The following SPECC1 variants were observed in gnomAD, a reference collection of about 807,000 sequenced individuals.
SPECC1 encodes cytospin-B.
Under a neutral mutation model 104.1 loss-of-function variants are expected in SPECC1, and 62 were observed. The observed-to-expected ratio is 0.60, with a 90% CI of 0.49 to 0.74. The LOEUF (loss-of-function observed/expected upper bound fraction) is 0.74, where lower values mean the gene tolerates loss of function less well. SPECC1 is among the 30% of genes least tolerant of loss of function. The pLI is 0.00. For synonymous variants in SPECC1, 513 were observed against 501.6 expected, an observed-to-expected ratio of 1.02 and a Z score of -0.30; for missense variants, 1,306 against 1,310.5, an observed-to-expected ratio of 1.00 and a Z score of 0.05.
intron 4 of SPECC1, among the ~76,000 whole-genome samples, chr17:20,225,640 G>A (rs2038153474): frequency 6.6e-6 from 1 of 152,194 alleles, no homozygotes; most frequent in Non-Finnish European, 1.5e-5. Context: ...AGGGATGAGG[G>A]AGAGGGGATG....
chr17:20,022,519 A>G (rs766931411), intron 1 of SPECC1, among the ~76,000 whole-genome samples: 9 of 152,238 alleles, frequency 5.9e-5, no homozygotes, highest in South Asian at 2.1e-4. Flanking sequence ...TGAATAGTCA[A>G]TCTGCCCCAT....
intron 1 of SPECC1, among the ~76,000 whole-genome samples, chr17:20,043,761 G>A (rs990957295): frequency 1.3e-5 from 2 of 152,202 alleles, no homozygotes; most frequent in African/African-American, 4.8e-5. Context: ...ATGGTATTTA[G>A]AAATGCAAAT....
At chr17:20,042,140 G>A (rs1328464915) in intron 1 of SPECC1, among the ~76,000 whole-genome samples, 2 of 152,206 alleles carry the variant, frequency 1.3e-5, no homozygotes, top group Non-Finnish European at 2.9e-5. Context: ...CACCATTGTA[G>A]TAGAAGAAGG....
chr17:20,087,669 T>G (rs541362380), intron 1 of SPECC1, among the ~76,000 whole-genome samples: 1 of 152,246 alleles, frequency 6.6e-6, no homozygotes, highest in African/African-American at 2.4e-5. Context: ...CTAATATTTG[T>G]TGAACACTTA....
Position 20,205,596 on chromosome 17 carries a change from A to G in SPECC1, c.1547A>G (p.Asn516Ser). Residue 516 changes from asparagine to serine, a missense_variant, in exon 4 of 15, where the codon AAT (asparagine) becomes AGT (serine). By Grantham distance (46) the Asn-to-Ser change is conservative. Coordinates refer to ENST00000395527, the MANE Select transcript of SPECC1 (RefSeq NM_001243439.2). ...ATGATTAAACGTCTGAAGGAAGAAA[A>G]TGAAAAACTGAATGAGTTTCTAGAA... ...LEMIKRLKEE[N>S]EKLNEFLELE... 6.2e-7 allele frequency: 1 copy of G among 1,614,152 alleles called. No homozygotes were observed. Among genetic ancestry groups the G allele is most frequent in the Non-Finnish European group, 8.5e-7 (1 of 1,180,032 alleles).
At chr17:20,068,473 C>A (rs1007587651) in intron 1 of SPECC1, among the ~76,000 whole-genome samples, 1 of 152,162 alleles carries the variant, frequency 6.6e-6, no homozygotes, top group African/African-American at 2.4e-5. Flanking sequence ...GTTTGAACTT[C>A]TGTTTTCAAT....
intron 1 of SPECC1, among the ~76,000 whole-genome samples, chr17:20,083,499 G>A (rs994174239): frequency 6.0e-5 from 9 of 149,458 alleles, no homozygotes; most frequent in Non-Finnish European, 1.2e-4. Context: ...TTTGAGTTTA[G>A]GCTTTTTTCA....
At position 20,314,124 on chromosome 17, in the gene SPECC1, C is replaced by G; in HGVS notation, c.*59C>G. On this transcript the variant is annotated 3_prime_UTR_variant, in exon 15 of 15. Transcript: ENST00000395527. The stretch of plus-strand genomic sequence containing the variant: ...CTACTGCAGCTTTTCCTGGAAGCGC[C>G]TGATTACTGTCCACTGACCCTGCTC... The G allele has an allele frequency of 1.4e-6, 2 of 1,452,472 alleles. No homozygotes were observed. Among genetic ancestry groups the G allele is most frequent in the Non-Finnish European group, 1.9e-6 (2 of 1,045,540 alleles). 90.0% of individuals were successfully genotyped at this position (1,452,472 alleles called of 1,614,324 possible).
At chr17:20,255,017 T>C (rs2039773029) in intron 10 of SPECC1, among the ~76,000 whole-genome samples, 1 of 152,212 alleles carries the variant, frequency 6.6e-6, no homozygotes, top group Admixed American at 6.5e-5. Flanking sequence ...GAGTGACTTA[T>C]AAAGGCTACA....
intron 1 of SPECC1, among the ~76,000 whole-genome samples, chr17:20,089,991 C>G (rs1223764962): frequency 1.3e-5 from 2 of 152,220 alleles, no homozygotes; most frequent in Admixed American, 1.3e-4. Flanking sequence ...TGGCTGTACA[C>G]AGGCAGATGC....
chr17:20,217,793 T>TAA (rs1447432697), intron 4 of SPECC1, among the ~76,000 whole-genome samples: 1 of 152,158 alleles, frequency 6.6e-6, no homozygotes, highest in Non-Finnish European at 1.5e-5. Flanking sequence ...CTCATGCCTG[T>TAA]AATCCCAGCA....
chr17:20,217,836 C>A (rs2037601372), intron 4 of SPECC1, among the ~76,000 whole-genome samples: 1 of 152,052 alleles, frequency 6.6e-6, no homozygotes, highest in African/African-American at 2.4e-5. Flanking sequence ...ATCACTTAAG[C>A]CCGGGAGCCT....
chr17:20,057,082 T>A (rs1049026160), intron 1 of SPECC1, among the ~76,000 whole-genome samples: 2 of 152,126 alleles, frequency 1.3e-5, no homozygotes, highest in African/African-American at 2.4e-5. Flanking sequence ...CTAGTGAAAT[T>A]TTTTTACTGA....
Position 20,318,844 on chromosome 17 carries a change from AACTT to A in SPECC1, c.*4780_*4783del, listed in dbSNP as rs878891002. ...CACTAATTTTTTTTTTTAGCACACT[AACTT>A]TAACTACATTAGTTGAGTGTAGTTG... On this transcript the variant is annotated 3_prime_UTR_variant, in exon 15 of 15. Transcript: ENST00000395527. 4.4e-5 allele frequency: 9 copies of A among 203,596 alleles called. No individual in the cohort carries two copies. The highest frequency in any genetic ancestry group is 1.9e-4 in the South Asian group (1 of 5,246). 12.6% of individuals were successfully genotyped at this position (203,596 alleles called of 1,614,324 possible). A position where few individuals can be genotyped will look rare whatever the true frequency, so the allele number is the denominator to read the frequency against.
intron 7 of SPECC1, chr17:20,238,200 G>A (rs1375846687): frequency 1.9e-6 from 2 of 1,038,298 alleles, no homozygotes; most frequent in Non-Finnish European, 2.3e-6. Context: ...AGCCGGATAG[G>A]TAAGCACGGT....
At chr17:20,265,751 T>C (rs944995761) in intron 12 of SPECC1, among the ~76,000 whole-genome samples, 26 of 152,356 alleles carry the variant, frequency 1.7e-4, no homozygotes, top group Admixed American at 2.6e-4. Context: ...CTGTAATCCA[T>C]TTTAAGTTAA....
chr17:20,037,657 G>A (rs555415899), intron 1 of SPECC1, among the ~76,000 whole-genome samples: 38 of 152,204 alleles, frequency 2.5e-4, no homozygotes, highest in African/African-American at 7.7e-4. Flanking sequence ...TGTAGAGTTG[G>A]TGGTAATTCT....
chr17:20,204,738 AG>A lies in SPECC1; in HGVS notation c.691del (p.Glu231ArgfsTer13). The A allele has an allele frequency of 6.2e-7, 1 of 1,605,146 alleles. No homozygotes were observed. Among genetic ancestry groups the A allele is most frequent in the Non-Finnish European group, 8.5e-7 (1 of 1,179,806 alleles). ...ACGGAACCTATGATAAGAGCTCTTG[AG>A]GAGAAGAACAAGAACTTTCAGAAAG... The part of the protein sequence containing the change: ...GDTEPMIRAL[E>X]EKNKNFQKEL... On this transcript the variant is annotated frameshift_variant, in exon 4 of 15. Transcript: ENST00000395527. LOFTEE classifies it high-confidence loss of function.
intron 4 of SPECC1, 45 bp from the exon 5 acceptor site, chr17:20,227,368 A>AT: frequency 1.3e-6 from 2 of 1,568,112 alleles, no homozygotes; most frequent in Non-Finnish European, 1.7e-6. Context: ...CACTGTGGGA[A>AT]TTTTTTTGTT....
Sources: gnomAD v4.1 joint callset for allele counts (sites outside exome capture counted in the v4.1 genomes callset) on GRCh38, gnomAD v4.1.1 for gene constraint, MANE v1.5 for transcripts, NCBI Gene and HGNC (gene_info 2026-07-23, HGNC 2026-07-21) for gene names.